The following SLC8A1 variants were observed in gnomAD, a reference collection of about 807,000 sequenced individuals.
SLC8A1 encodes solute carrier family 8 member A1.
Under a neutral mutation model 68.3 loss-of-function variants are expected in SLC8A1, and 18 were observed. That is an observed-to-expected ratio of 0.26 (90% CI 0.18 to 0.39). The LOEUF is 0.39. SLC8A1 is among the 10% of genes least tolerant of loss of function. The pLI is 1.00. For synonymous variants in SLC8A1, 475 were observed against 415.5 expected (o/e 1.14, Z -1.74); for missense variants, 985 against 1,156.7 (o/e 0.85, Z 2.15).
chr2:40,173,236 CA>C (rs1041048587), intron 4 of SLC8A1, among the ~76,000 whole-genome samples: 36 of 152,092 alleles, frequency 2.4e-4, no homozygotes, highest in African/African-American at 7.7e-4. Context: ...AGAGTGTTTA[CA>C]AGGGGACTTC....
At chr2:40,228,332 T>C (rs767831221) in intron 2 of SLC8A1, among the ~76,000 whole-genome samples, 6 of 152,234 alleles carry the variant, frequency 3.9e-5, no homozygotes, top group Non-Finnish European at 7.3e-5. Flanking sequence ...AGAATTCTTA[T>C]ACTTAAAGCA....
At chr2:40,391,453 G>A (rs1685235936) in intron 2 of SLC8A1, among the ~76,000 whole-genome samples, 1 of 150,876 alleles carries the variant, frequency 6.6e-6, no homozygotes, top group East Asian at 1.9e-4. Flanking sequence ...TGTTCTGGCT[G>A]GTGGCAAACT....
intron 7 of SLC8A1, among the ~76,000 whole-genome samples, chr2:40,126,690 C>T (rs1189292438): frequency 1.3e-5 from 2 of 152,104 alleles, no homozygotes; most frequent in Non-Finnish European, 2.9e-5. Flanking sequence ...TGTACAAAGT[C>T]AAAGTTTCCT....
At chr2:40,333,101 C>T (rs536183499) in intron 2 of SLC8A1, among the ~76,000 whole-genome samples, 4 of 151,814 alleles carry the variant, frequency 2.6e-5, no homozygotes, top group South Asian at 2.1e-4. Flanking sequence ...TGGTAAATTA[C>T]GAAAAAAAAT....
chr2:40,216,168 C>A (rs1008516947), intron 2 of SLC8A1, among the ~76,000 whole-genome samples: 2 of 152,062 alleles, frequency 1.3e-5, no homozygotes, highest in Non-Finnish European at 2.9e-5. Flanking sequence ...ACCCACCCAC[C>A]GACAGGCCCT....
chr2:40,219,875 A>ATTTTTTTTTTTTTTTTTTTTTTTT (rs1162934399), intron 2 of SLC8A1, among the ~76,000 whole-genome samples: 1 of 27,794 alleles, frequency 3.6e-5, no homozygotes, highest in African/African-American at 9.1e-5. Context: ...CTACTATAGG[A>ATTTTTTTTTTTTTTTTTTTTTTTT]TTTTTTTTTT....
At chr2:40,307,479 T>C (rs1409761455) in intron 2 of SLC8A1, among the ~76,000 whole-genome samples, 1 of 152,188 alleles carries the variant, frequency 6.6e-6, no homozygotes, top group Non-Finnish European at 1.5e-5. Flanking sequence ...GTGAATATAC[T>C]TAACACTATT....
intron 1 of SLC8A1, among the ~76,000 whole-genome samples, chr2:40,436,850 G>A (rs979267807): frequency 1.3e-5 from 2 of 152,124 alleles, no homozygotes; most frequent in African/African-American, 4.8e-5. Context: ...AAGATGCTCT[G>A]ATAATCTTGG....
chr2:40,206,280 T>G (rs436245), intron 2 of SLC8A1, among the ~76,000 whole-genome samples: 107,677 of 151,824 alleles, frequency 0.71, 39,097 homozygotes, highest in Middle Eastern at 0.82. Flanking sequence ...CAGGGTACTT[T>G]CCTCAACTTC....
intron 2 of SLC8A1, among the ~76,000 whole-genome samples, chr2:40,317,754 T>A (rs891344599): frequency 6.6e-6 from 1 of 152,064 alleles, no homozygotes; most frequent in Non-Finnish European, 1.5e-5. Flanking sequence ...ACTTAAAAAA[T>A]TTATTCTTAT....
At chr2:40,448,337 C>T (rs955047268) in intron 1 of SLC8A1, among the ~76,000 whole-genome samples, 2 of 152,138 alleles carry the variant, frequency 1.3e-5, no homozygotes, top group African/African-American at 4.8e-5. Flanking sequence ...CGAAAGTAAT[C>T]CCGCTGCACT....
intron 2 of SLC8A1, among the ~76,000 whole-genome samples, chr2:40,318,651 A>T (rs1455571488): frequency 6.6e-6 from 1 of 152,084 alleles, no homozygotes; most frequent in Admixed American, 6.6e-5. Flanking sequence ...GTTGCTGTCT[A>T]AGTAGAACCT....
chr2:40,195,455 T>G (rs749206180), intron 2 of SLC8A1, among the ~76,000 whole-genome samples: 2 of 151,928 alleles, frequency 1.3e-5, no homozygotes, highest in Non-Finnish European at 2.9e-5. Flanking sequence ...CAGTCCAGAC[T>G]TGTGGAGAAC....
intron 2 of SLC8A1, among the ~76,000 whole-genome samples, chr2:40,315,217 G>C (rs527844797): frequency 6.6e-6 from 1 of 152,008 alleles, no homozygotes; most frequent in African/African-American, 2.4e-5. Context: ...GTTGGGTTTA[G>C]TTGATTGCCT....
At chr2:40,374,983 G>C (rs1179909857) in intron 2 of SLC8A1, among the ~76,000 whole-genome samples, 1 of 152,024 alleles carries the variant, frequency 6.6e-6, no homozygotes. Flanking sequence ...AACTAGAAAG[G>C]TAATTCCAGA....
intron 2 of SLC8A1, among the ~76,000 whole-genome samples, chr2:40,333,160 C>T (rs561650158): frequency 7.5e-4 from 114 of 152,214 alleles, no homozygotes; most frequent in African/African-American, 2.6e-3. Flanking sequence ...TCTTTTAGGC[C>T]GGGTGCGGTG....
At chr2:40,312,829 C>G (rs911580047) in intron 2 of SLC8A1, among the ~76,000 whole-genome samples, 1 of 152,094 alleles carries the variant, frequency 6.6e-6, no homozygotes, top group Non-Finnish European at 1.5e-5. Flanking sequence ...TTCACAGTTA[C>G]TCCCATGTTC....
chr2:40,356,927 T>G (rs1005561885), intron 2 of SLC8A1, among the ~76,000 whole-genome samples: 1 of 152,182 alleles, frequency 6.6e-6, no homozygotes, highest in African/African-American at 2.4e-5. Context: ...GCACATGCCA[T>G]GTTTTCTCTG....
At chr2:40,150,205 C>T (rs922511727) in intron 6 of SLC8A1, among the ~76,000 whole-genome samples, 26 of 152,072 alleles carry the variant, frequency 1.7e-4, no homozygotes, top group African/African-American at 5.6e-4. Flanking sequence ...GAGAAGCATG[C>T]GGTGGGATGT....
Sources: allele counts gnomAD v4.1 joint callset (sites outside exome capture counted in the v4.1 genomes callset), GRCh38; gene constraint gnomAD v4.1.1; transcripts MANE v1.5; gene names NCBI Gene and HGNC (gene_info 2026-07-23, HGNC 2026-07-21).